Variants in TOP6BL observed in about 807,000 individuals in gnomAD.
TOP6BL encodes type 2 DNA topoisomerase 6 subunit B-like.
At chr11:66,801,557 C>G in the TOP6BL span, among the ~76,000 whole-genome samples, 3 of 152,178 alleles carry the variant, frequency 2.0e-5, no homozygotes, top group Non-Finnish European at 4.4e-5. Flanking sequence ...TAAATCTGGC[C>G]AGGCGCAGTG....
At chr11:66,822,651 A>G in the TOP6BL span, 6 of 1,549,918 alleles carry the variant, frequency 3.9e-6, no homozygotes, top group Non-Finnish European at 5.2e-6. Flanking sequence ...CAGCTTCCGA[A>G]AGATGTGTCT....
the TOP6BL span, among the ~76,000 whole-genome samples, chr11:66,772,540 G>A: frequency 3.3e-5 from 5 of 152,128 alleles, no homozygotes. Context: ...AGGCTGAGGC[G>A]GGCAGATCAT....
the TOP6BL span, among the ~76,000 whole-genome samples, chr11:66,755,626 C>T: frequency 6.6e-6 from 1 of 152,290 alleles, no homozygotes; most frequent in South Asian, 2.1e-4. Flanking sequence ...CTCTCTAGGG[C>T]TGCTGTAACA....
the TOP6BL span, chr11:66,796,268 T>G: frequency 6.3e-7 from 1 of 1,591,792 alleles, no homozygotes; most frequent in East Asian, 2.2e-5. Context: ...GTGTTTTTGT[T>G]GTATTATTAC....
the TOP6BL span, among the ~76,000 whole-genome samples, chr11:66,829,554 G>A: frequency 6.6e-6 from 1 of 150,512 alleles, no homozygotes; most frequent in African/African-American, 2.5e-5. Context: ...CAGCCTGGGC[G>A]ACAGTGAGAC....
chr11:66,750,642 T>C, the TOP6BL span, among the ~76,000 whole-genome samples: 7 of 152,168 alleles, frequency 4.6e-5, no homozygotes, highest in Admixed American at 4.6e-4. Context: ...TACTTTTAAC[T>C]CTGTTAATTG....
the TOP6BL span, chr11:66,762,133 C>A: frequency 1.1e-6 from 1 of 904,750 alleles, no homozygotes; most frequent in African/African-American, 1.6e-5. Flanking sequence ...TCTGGATTTT[C>A]CTTTCCTCCT....
At chr11:66,791,117 A>G in the TOP6BL span, among the ~76,000 whole-genome samples, 1 of 152,204 alleles carries the variant, frequency 6.6e-6, no homozygotes, top group African/African-American at 2.4e-5. Context: ...TCAATTGAGG[A>G]GAAAGGTTAA....
the TOP6BL span, chr11:66,828,435 G>A: frequency 8.3e-7 from 1 of 1,204,514 alleles, no homozygotes; most frequent in Non-Finnish European, 1.2e-6. Context: ...AATTGAGGGT[G>A]GGTAGGTACA....
chr11:66,818,741 G>C, the TOP6BL span, among the ~76,000 whole-genome samples: 1 of 152,102 alleles, frequency 6.6e-6, no homozygotes, highest in Non-Finnish European at 1.5e-5. Flanking sequence ...CTACCTTCTG[G>C]CAGGCTTTTT....
chr11:66,777,140 C>CT, the TOP6BL span, among the ~76,000 whole-genome samples: 7 of 145,994 alleles, frequency 4.8e-5, no homozygotes, highest in East Asian at 1.0e-3. Context: ...TGTCCTATGT[C>CT]TTTTTTTACT....
the TOP6BL span, among the ~76,000 whole-genome samples, chr11:66,796,572 G>C: frequency 6.6e-6 from 1 of 151,986 alleles, no homozygotes; most frequent in African/African-American, 2.4e-5. Flanking sequence ...TTGAGTCCAG[G>C]AGTTTAAGAC....
At chr11:66,761,214 A>G in the TOP6BL span, among the ~76,000 whole-genome samples, 1 of 152,164 alleles carries the variant, frequency 6.6e-6, no homozygotes, top group African/African-American at 2.4e-5. Context: ...TACTAAAAAT[A>G]CTAAAAATTA....
At chr11:66,788,238 CA>C in the TOP6BL span, 2 of 1,613,632 alleles carry the variant, frequency 1.2e-6, no homozygotes, top group Non-Finnish European at 1.7e-6. Flanking sequence ...CAGGATATGA[CA>C]GGGGTAACAC....
the TOP6BL span, among the ~76,000 whole-genome samples, chr11:66,820,341 G>T: frequency 6.6e-6 from 1 of 152,162 alleles, no homozygotes; most frequent in Non-Finnish European, 1.5e-5. Flanking sequence ...GAAAAAGCCA[G>T]CCAGTTTTAG....
the TOP6BL span, chr11:66,843,222 C>T: frequency 1.9e-6 from 3 of 1,610,112 alleles, no homozygotes; most frequent in Non-Finnish European, 2.5e-6. Flanking sequence ...TGAGTCCCAG[C>T]CCTGGGCCCT....
the TOP6BL span, among the ~76,000 whole-genome samples, chr11:66,816,829 C>T: frequency 1.3e-5 from 2 of 152,108 alleles, no homozygotes; most frequent in Non-Finnish European, 2.9e-5. Flanking sequence ...CTTCCTTCCT[C>T]GGCATCCCCA....
the TOP6BL span, among the ~76,000 whole-genome samples, chr11:66,829,176 A>G: frequency 4.6e-5 from 7 of 151,936 alleles, no homozygotes; most frequent in Non-Finnish European, 1.0e-4. Flanking sequence ...ACTTGAAGCC[A>G]GGAGTATGAG....
At chr11:66,776,646 T>G in the TOP6BL span, among the ~76,000 whole-genome samples, 3 of 152,016 alleles carry the variant, frequency 2.0e-5, no homozygotes, top group African/African-American at 7.2e-5. Flanking sequence ...AGTCCATTAT[T>G]AAGTATATTT....
Sources: allele counts gnomAD v4.1 joint callset (sites outside exome capture counted in the v4.1 genomes callset), GRCh38; gene constraint gnomAD v4.1.1; transcripts MANE v1.5; gene names NCBI Gene and HGNC (gene_info 2026-07-23, HGNC 2026-07-21).